PRIM2: variants seen among roughly 807,000 people sequenced by gnomAD.
PRIM2 encodes the protein DNA primase large subunit.
Under a neutral mutation model 67.3 loss-of-function variants are expected in PRIM2, and 39 were observed. The ratio of observed to expected loss-of-function variants is 0.58; its 90% CI spans 0.45 to 0.76. PRIM2 has a LOEUF of 0.76. Ranked by LOEUF, PRIM2 falls within the 30% of genes least tolerant of loss-of-function variation. The pLI is 0.00. For synonymous variants in PRIM2, 143 were observed against 198.7 expected (o/e 0.72, Z 2.36); for missense variants, 398 against 598.7 (o/e 0.66, Z 3.50).
chr6:57,623,734 A>G (rs1256548515), intron 12 of PRIM2, among the ~76,000 whole-genome samples: 1 of 152,068 alleles, frequency 6.6e-6, no homozygotes, highest in African/African-American at 2.4e-5. Context: ...AGTTAAGTAA[A>G]TTTATTTCAT....
intron 7 of PRIM2, among the ~76,000 whole-genome samples, chr6:57,417,591 A>G (rs1472754778): frequency 2.6e-5 from 4 of 152,200 alleles, no homozygotes; most frequent in Non-Finnish European, 4.4e-5. Context: ...AAATAGCCAC[A>G]AGACACACAA....
chr6:57,615,676 G>C (rs1286454242), intron 12 of PRIM2, among the ~76,000 whole-genome samples: 1 of 152,174 alleles, frequency 6.6e-6, no homozygotes. Context: ...TGAGAGGATT[G>C]CTTGAAGCCA....
chr6:57,583,461 T>A, intron 10 of PRIM2, among the ~76,000 whole-genome samples: 1 of 151,688 alleles, frequency 6.6e-6, no homozygotes, highest in Non-Finnish European at 1.5e-5. Context: ...TTACTGAGAA[T>A]GATGGTTTCC....
chr6:57,490,685 T>C (rs1773868238), intron 7 of PRIM2, among the ~76,000 whole-genome samples: 1 of 152,200 alleles, frequency 6.6e-6, no homozygotes, highest in Non-Finnish European at 1.5e-5. Flanking sequence ...ATAAATAGGA[T>C]GGATATAGAT....
intron 7 of PRIM2, among the ~76,000 whole-genome samples, chr6:57,385,266 A>C (rs1484289371): frequency 6.6e-6 from 1 of 152,206 alleles, no homozygotes; most frequent in Non-Finnish European, 1.5e-5. Context: ...AAGAGTATTT[A>C]TGAACTTTGA....
At chr6:57,617,101 A>T (rs1261884118) in intron 12 of PRIM2, among the ~76,000 whole-genome samples, 7 of 152,316 alleles carry the variant, frequency 4.6e-5, no homozygotes, top group Middle Eastern at 3.4e-3. Context: ...TGGCAGGTTA[A>T]TTCCTTCTGA....
Position 57,456,548 on chromosome 6 carries a change from A to T in PRIM2, c.694-50839A>T, listed in dbSNP as rs1290803225. On this transcript the variant is annotated intron_variant, in intron 7 of 13. Transcript: ENST00000615550. ...CATTTGATTCATTTGATTTTCCATC[A>T]CTAATACCCTTTCTTCCAGTTGATC... Among the ~76,000 whole-genome samples, 730 of 152,262 alleles carry T rather than the reference A, an allele frequency of 4.8e-3. 6 individuals are homozygous for T. Among genetic ancestry groups the T allele is most frequent in the African/African-American group, 0.017 (703 of 41,544 alleles).
intron 7 of PRIM2, among the ~76,000 whole-genome samples, chr6:57,419,317 A>G (rs1354884567): frequency 2.0e-5 from 3 of 152,118 alleles, no homozygotes; most frequent in South Asian, 2.1e-4. Flanking sequence ...TTCAAAGGGT[A>G]TGTTGAACTT....
intron 7 of PRIM2, among the ~76,000 whole-genome samples, chr6:57,459,742 A>T (rs1772934231): frequency 6.6e-6 from 1 of 152,156 alleles, no homozygotes; most frequent in Non-Finnish European, 1.5e-5. Flanking sequence ...TTTGCTTTTA[A>T]GGCCTTGAGC....
intron 8 of PRIM2, among the ~76,000 whole-genome samples, chr6:57,529,030 G>T (rs1487922994): frequency 6.6e-6 from 1 of 152,306 alleles, no homozygotes; most frequent in African/African-American, 2.4e-5. Flanking sequence ...ACAAAAACCA[G>T]CCGGGCGCAG....
At chr6:57,422,158 C>CTTTTTTTTTTTTTTTTTTT (rs575958629) in intron 7 of PRIM2, among the ~76,000 whole-genome samples, 1,248 of 103,112 alleles carry the variant, frequency 0.012, 121 homozygotes, top group Non-Finnish European at 0.015. Flanking sequence ...TCTTTTCTTT[C>CTTTTTTTTTTTTTTTTTTT]TTTTTTTTTT....
At chr6:57,416,592 A>T (rs1310035521) in intron 7 of PRIM2, among the ~76,000 whole-genome samples, 3 of 152,172 alleles carry the variant, frequency 2.0e-5, no homozygotes, top group South Asian at 2.1e-4. Flanking sequence ...CCTATATGGC[A>T]TCTTCTTCCA....
At chr6:57,574,097 A>G (rs1416173058) in intron 10 of PRIM2, among the ~76,000 whole-genome samples, 200 of 152,112 alleles carry the variant, frequency 1.3e-3, no homozygotes, top group Non-Finnish European at 2.6e-3. Context: ...CCAGCCTCCG[A>G]TTGGCCATGA....
chr6:57,628,122 C>A (rs1450116552), intron 12 of PRIM2, among the ~76,000 whole-genome samples: 1 of 152,192 alleles, frequency 6.6e-6, no homozygotes, highest in Non-Finnish European at 1.5e-5. Context: ...GTGGGTTAGA[C>A]TTTGATACTT....
intron 10 of PRIM2, among the ~76,000 whole-genome samples, chr6:57,551,369 A>C (rs1275838357): frequency 1.3e-5 from 2 of 152,218 alleles, no homozygotes; most frequent in African/African-American, 4.8e-5. Flanking sequence ...GTCACCTGTT[A>C]AGTGAAGTCA....
chr6:57,409,268 C>T (rs566427751), intron 7 of PRIM2, among the ~76,000 whole-genome samples: 27 of 151,984 alleles, frequency 1.8e-4, no homozygotes, highest in South Asian at 2.1e-4. Flanking sequence ...CTCTGCCTCT[C>T]GGGTTCACGC....
intron 12 of PRIM2, among the ~76,000 whole-genome samples, chr6:57,628,250 G>T (rs1776987598): frequency 6.6e-6 from 1 of 151,892 alleles, no homozygotes; most frequent in Non-Finnish European, 1.5e-5. Flanking sequence ...TCCTCTTGAT[G>T]GGTTTCCACC....
At chr6:57,250,078 C>T in the PRIM2 span, among the ~76,000 whole-genome samples, 58 of 152,292 alleles carry the variant, frequency 3.8e-4, 1 homozygote, top group African/African-American at 1.2e-3. Flanking sequence ...GAGAGATGAA[C>T]GAATGGAACA....
intron 9 of PRIM2, among the ~76,000 whole-genome samples, chr6:57,536,951 CTG>C (rs1450321317): frequency 0.33 from 49,762 of 151,810 alleles, 9,422 homozygotes; most frequent in African/African-American, 0.52. Context: ...TGTGACAAAA[CTG>C]TATAAAATTT....
Sources: gnomAD v4.1 joint callset for allele counts (sites outside exome capture counted in the v4.1 genomes callset) on GRCh38, gnomAD v4.1.1 for gene constraint, MANE v1.5 for transcripts, NCBI Gene and HGNC (gene_info 2026-07-23, HGNC 2026-07-21) for gene names.